The following SEC16A variants were observed in gnomAD, a reference collection of about 807,000 sequenced individuals.
SEC16A encodes protein transport protein Sec16A.
In SEC16A, 110 loss-of-function variants were observed where a neutral mutation model predicts 221.9. That is an observed-to-expected ratio of 0.50 (90% CI 0.42 to 0.58). SEC16A has a LOEUF of 0.58. Ranked by LOEUF, SEC16A falls within the 20% of genes least tolerant of loss-of-function variation. The pLI is 0.00. For synonymous variants in SEC16A, 1,393 were observed against 1,257.7 expected, an observed-to-expected ratio of 1.11 and a Z score of -2.28; for missense variants, 3,165 against 3,097.8, an observed-to-expected ratio of 1.02 and a Z score of -0.52.
At chr9:136,446,616 G>A (rs931042118) in intron 28 of SEC16A, among the ~76,000 whole-genome samples, 6 of 151,900 alleles carry the variant, frequency 3.9e-5, no homozygotes, top group Admixed American at 6.6e-5. Flanking sequence ...CACATTCACC[G>A]TGCTGAGCAA....
At position 136,474,136 on chromosome 9, in the gene SEC16A, G is replaced by A. The variant is rs1841287628; in HGVS notation, c.3480C>T (p.Tyr1160=). ...GPPPQDLAAY[Y]YYRPLYDAYQ... ...AGGCATCGTACAAAGGCCGGTAGTAGTAGTAGGCGGCCAGGTCCTGAGGCG... is the reference window on the plus strand; with the variant it reads ...AGGCATCGTACAAAGGCCGGTAGTAATAGTAGGCGGCCAGGTCCTGAGGCG... The change falls in exon 3 of 32, where the codon TAC becomes TAT. Residue 1160 remains tyrosine (Y), a synonymous_variant. Coordinates refer to ENST00000684901, the MANE Select transcript of SEC16A (RefSeq NM_014866.2). 3 of 1,613,252 alleles carry A rather than the reference G, an allele frequency of 1.9e-6. No homozygotes were observed. Among genetic ancestry groups the A allele is most frequent in the African/African-American group, 2.7e-5 (2 of 74,940 alleles).
Position 136,459,894 on chromosome 9 carries a change from A to G in SEC16A, c.5074-20T>C. 6.2e-7 allele frequency: 1 copy of G among 1,602,390 alleles called. No individual in the cohort carries two copies. Among genetic ancestry groups the G allele is most frequent in the South Asian group, 1.1e-5 (1 of 89,774 alleles). Reference sequence around the variant, plus strand: ...ACAGCACTAACATGAGGAAAAACAAAACGAAGCCTCATCCCCGGAAGCCAG... The same window carrying G: ...ACAGCACTAACATGAGGAAAAACAAGACGAAGCCTCATCCCCGGAAGCCAG... On this transcript the variant is annotated intron_variant, in intron 14 of 31. Coordinates refer to ENST00000684901, the MANE Select transcript of SEC16A (RefSeq NM_014866.2). The surrounding 1 kb of genome is among the most constrained non-coding windows in gnomAD (Gnocchi z 6.1).
In SEC16A at chr9:136,482,952, C is replaced by T; in HGVS notation, c.-206G>A. 1.0e-6 allele frequency: 1 copy of T among 984,728 alleles called. No individual in the cohort carries two copies. Among genetic ancestry groups the T allele is most frequent in the Non-Finnish European group, 1.2e-6 (1 of 829,362 alleles). The allele number at this position is 984,728 out of a possible 1,614,324, so 61.0% of individuals were successfully genotyped here. On this transcript the variant is annotated 5_prime_UTR_variant, in exon 1 of 32. Transcript: ENST00000684901. ...CGCCCCCTCACCCGCGCGGCTGAGA[C>T]CGATCCCTCAGGAGCCGCGGGCGAA...
At chr9:136,471,904 T>TC (rs1231401021) in intron 4 of SEC16A, 71 bp downstream of exon 4, 2 of 1,552,568 alleles carry the variant, frequency 1.3e-6, no homozygotes, top group Non-Finnish European at 1.8e-6. Context: ...CACTAAGTTA[T>TC]CCCCATAGCA....
Position 136,474,583 on chromosome 9 carries a change from CGG to C in SEC16A, c.3031_3032del (p.Pro1011ValfsTer4). 6.2e-7 allele frequency: 1 copy of C among 1,612,836 alleles called. No individual in the cohort carries two copies. The highest frequency in any genetic ancestry group is 8.5e-7 in the Non-Finnish European group (1 of 1,179,798). ...GAGAAGCGAGGCTGTCAGAATGGGACGGGTTGTACACGTTTACAGGATTTTCC... is the reference window on the plus strand; with the variant it reads ...GAGAAGCGAGGCTGTCAGAATGGGACGTTGTACACGTTTACAGGATTTTCC... ...TLENPVNVYN[P>X]SHSDSLASQQ... is the part of the protein sequence containing the mutation. On this transcript the variant is annotated frameshift_variant, in exon 3 of 32. Coordinates refer to ENST00000684901, the MANE Select transcript of SEC16A (RefSeq NM_014866.2). LOFTEE classifies it high-confidence loss of function.
chr9:136,468,635 T>C (rs923061410), intron 4 of SEC16A, 123 bp from the exon 5 acceptor site: 2 of 619,726 alleles, frequency 3.2e-6, no homozygotes, highest in Non-Finnish European at 5.7e-6. Context: ...GTACAAAAAT[T>C]CCAATTAGAA....
At chr9:136,460,579 T>G (rs1839342672) in intron 13 of SEC16A, among the ~76,000 whole-genome samples, 2 of 151,602 alleles carry the variant, frequency 1.3e-5, no homozygotes, top group South Asian at 4.2e-4. Context: ...ATATTTTATT[T>G]TTCTTTCTTA....
At chr9:136,472,242 A>G (rs1414571325) in intron 3 of SEC16A, 131 bp from the exon 4 acceptor site, 25 of 1,039,238 alleles carry the variant, frequency 2.4e-5, no homozygotes, top group Middle Eastern at 4.9e-4. Context: ...CTCGTCCAAC[A>G]ACCAGCCTGA....
rs1840151985 is a variant in SEC16A, at chr9:136,466,318, G to C, written c.4074C>G (p.His1358Gln). ...GGCGGCTGGCCAGGCTGTGTGCGCTGTGCAGGCTCCGTGCCGAGTGCTCGC... is the reference window on the plus strand; with the variant it reads ...GGCGGCTGGCCAGGCTGTGTGCGCTCTGCAGGCTCCGTGCCGAGTGCTCGC... The part of the protein sequence containing the change: ...VHSEHSARSL[H>Q]SAHSLASRRS... The change falls in exon 7 of 32, where the codon CAC (histidine) becomes CAG (glutamine). Residue 1358 changes from histidine to glutamine, a missense_variant. Coordinates refer to ENST00000684901, the MANE Select transcript of SEC16A (RefSeq NM_014866.2). This position sits in a 1 kb window ranked among gnomAD's most constrained non-coding sequence, Gnocchi z 5.5. The C allele has an allele frequency of 6.4e-7, 1 of 1,570,530 alleles. No homozygotes were observed. Among genetic ancestry groups the C allele is most frequent in the African/African-American group, 1.4e-5 (1 of 73,700 alleles).
At chr9:136,472,287 G>A (rs1564520993) in intron 3 of SEC16A, among the ~76,000 whole-genome samples, 176 bp from the exon 4 acceptor site, 1 of 152,252 alleles carries the variant, frequency 6.6e-6, no homozygotes, top group Non-Finnish European at 1.5e-5. Context: ...TCTCCAGCAG[G>A]ACTGAGCGTG....
At chr9:136,458,130 A>ATTTTTTTT (rs1222002410) in intron 17 of SEC16A, among the ~76,000 whole-genome samples, 2 of 116,242 alleles carry the variant, frequency 1.7e-5, no homozygotes, top group South Asian at 2.8e-4. Flanking sequence ...TAATTTTTGT[A>ATTTTTTTT]TTTTTTTTTT....
In SEC16A at chr9:136,464,539, CAGG is replaced by C. The variant is rs758864644; in HGVS notation, c.4324_4326del (p.Pro1442del). ...CAGACATGAGGCACTGAAAATTTTT[CAGG>C]AGAAGTTGGTCTTGATGAAACTGCA... On this transcript the variant is annotated inframe_deletion, in exon 9 of 32. Coordinates refer to ENST00000684901, the MANE Select transcript of SEC16A (RefSeq NM_014866.2). The C allele has an allele frequency of 3.4e-5, 54 of 1,603,086 alleles. No individual in the cohort carries two copies. In the African/African-American group the frequency reaches 5.6e-4, roughly 17 times the overall value.
At chr9:136,468,535 T>G (rs569589361) in intron 4 of SEC16A, 23 bp from the exon 5 acceptor site, 1 of 1,442,428 alleles carries the variant, frequency 6.9e-7, no homozygotes, top group African/African-American at 1.4e-5. Flanking sequence ...ACAGTGCTGT[T>G]AAAACACAAA....
rs756730538 is a variant in SEC16A at position 136,463,751 on chromosome 9, A to C, written c.4447-11T>G. On this transcript the variant is annotated splice_polypyrimidine_tract_variant and intron_variant, in intron 9 of 31. Coordinates refer to ENST00000684901, the MANE Select transcript of SEC16A (RefSeq NM_014866.2). Reference sequence around the variant, plus strand: ...GTGCTGCAGCAAGGCCTACGAGGAGAGGGCCGTGGGTCAGTGGCAGCCAGT... The same window carrying C: ...GTGCTGCAGCAAGGCCTACGAGGAGCGGGCCGTGGGTCAGTGGCAGCCAGT... 1.2e-6 allele frequency: 2 copies of C among 1,611,266 alleles called. No homozygotes were observed. The highest frequency in any genetic ancestry group is 1.3e-5 in the African/African-American group (1 of 74,990).
In SEC16A at chr9:136,453,431, A is replaced by T. The variant is rs770157160; in HGVS notation, c.6156T>A (p.Asn2052Lys). 4 of 1,612,552 alleles carry T rather than the reference A, an allele frequency of 2.5e-6. No individual in the cohort carries two copies. The stretch of plus-strand genomic sequence containing the variant: ...TTAAGAAAATGTGACAAAGTACCAG[A>T]TTAGCAAATTTTCCATCAAAATTTT... ...SEENFDGKFA[N>K]LTPSRTVPDS... Residue 2052 changes from asparagine (N) to lysine (K), a missense_variant, in exon 22 of 32, where the codon AAT becomes AAA. Coordinates refer to ENST00000684901, the MANE Select transcript of SEC16A (RefSeq NM_014866.2).
At chr9:136,483,044 T>C (rs1373410011), upstream of SEC16A, 4 of 984,174 alleles carry the variant, frequency 4.1e-6, no homozygotes, top group Non-Finnish European at 4.8e-6. Flanking sequence ...CACATCCGGC[T>C]CGGGTCTCCG....
intron 20 of SEC16A, 132 bp downstream of exon 20, chr9:136,455,469 G>C: frequency 1.2e-6 from 1 of 826,586 alleles, no homozygotes; most frequent in South Asian, 1.8e-5. Flanking sequence ...CAACCACCGA[G>C]GTGGTGTGAG....
chr9:136,467,220 C>G (rs895510074), intron 5 of SEC16A, 137 bp from the exon 6 acceptor site: 6 of 954,156 alleles, frequency 6.3e-6, no homozygotes, highest in Non-Finnish European at 9.3e-6. Flanking sequence ...TCCTGGAAAC[C>G]AGCACGACAC....
Position 136,466,204 on chromosome 9 carries a change from C to A in SEC16A, c.4128+60G>T. ...CAGCAGTAAAACTTTAGGTACATTGCAAACAGGATGGTGGTTCTAAACACA... is the reference window on the plus strand; with the variant it reads ...CAGCAGTAAAACTTTAGGTACATTGAAAACAGGATGGTGGTTCTAAACACA... On this transcript the variant is annotated intron_variant, in intron 7 of 31. Transcript: ENST00000684901. This position sits in a 1 kb window ranked among gnomAD's most constrained non-coding sequence, Gnocchi z 5.5. 6.4e-7 allele frequency: 1 copy of A among 1,569,694 alleles called. No homozygotes were observed.
Sources: gnomAD v4.1 joint callset for allele counts (sites outside exome capture counted in the v4.1 genomes callset) on GRCh38, gnomAD v4.1.1 for gene constraint, Gnocchi (gnomAD v3.1) non-coding constraint, MANE v1.5 for transcripts, NCBI Gene and HGNC (gene_info 2026-07-23, HGNC 2026-07-21) for gene names.